LRIG1: variants seen among roughly 807,000 people sequenced by gnomAD.
LRIG1 encodes the protein leucine-rich repeats and immunoglobulin-like domains protein 1.
LRIG1 carries 48 observed loss-of-function variants against 99.2 expected under a neutral mutation model. The observed-to-expected ratio is 0.48, with a 90% CI of 0.38 to 0.62. LRIG1 has a LOEUF of 0.62. Ranked by LOEUF, LRIG1 falls within the 20% of genes least tolerant of loss-of-function variation. LRIG1 has a pLI of 0.00. For synonymous variants in LRIG1, 772 were observed against 596.1 expected (o/e 1.29, Z -4.30); for missense variants, 1,646 against 1,434.4 (o/e 1.15, Z -2.38).
intron 3 of LRIG1, among the ~76,000 whole-genome samples, chr3:66,421,554 C>T (rs1702811689): frequency 6.6e-6 from 1 of 152,200 alleles, no homozygotes; most frequent in Admixed American, 6.5e-5. Flanking sequence ...AAGCTCCACC[C>T]CTATGGCTTT....
intron 3 of LRIG1, among the ~76,000 whole-genome samples, chr3:66,440,974 T>TGGTTTTCC (rs1217863432): frequency 2.0e-5 from 3 of 152,152 alleles, no homozygotes; most frequent in African/African-American, 7.2e-5. Context: ...TGAATCAGCG[T>TGGTTTTCC]AAGGTGAAGA....
rs189303652 is a variant in LRIG1, at chr3:66,380,101, G to A, written c.*162C>T. 244 of 584,368 alleles carry A rather than the reference G, an allele frequency of 4.2e-4. 3 individuals are homozygous for A. In the South Asian group the frequency reaches 5.0e-3, roughly 12 times the overall value. The allele number at this position is 584,368 out of a possible 1,614,324, so 36.2% of individuals were successfully genotyped here. On this transcript the variant is annotated 3_prime_UTR_variant, in exon 19 of 19. Transcript: ENST00000273261. ...CTTTTGTACACAAATCCCCTCTTGC[G>A]TTTACTGTGCTTCAGATCCAAGTCC...
At chr3:66,400,211 GCCT>G (rs1268850723) in intron 9 of LRIG1, among the ~76,000 whole-genome samples, 1 of 152,222 alleles carries the variant, frequency 6.6e-6, no homozygotes, top group East Asian at 1.9e-4. Context: ...AGAAATGAGT[GCCT>G]CCTCCACCAC....
chr3:66,457,450 A>G (rs1208499855), intron 2 of LRIG1, among the ~76,000 whole-genome samples: 3 of 152,166 alleles, frequency 2.0e-5, no homozygotes, highest in African/African-American at 7.2e-5. Context: ...GATAGGAGGC[A>G]CAATGGTAAG....
chr3:66,467,442 C>G (rs1700499862), intron 1 of LRIG1, among the ~76,000 whole-genome samples: 1 of 149,022 alleles, frequency 6.7e-6, no homozygotes, highest in African/African-American at 2.5e-5. Flanking sequence ...TCACTACAAG[C>G]TCCGTCTCCT....
At chr3:66,426,796 T>C (rs1292315889) in intron 3 of LRIG1, among the ~76,000 whole-genome samples, 2 of 152,172 alleles carry the variant, frequency 1.3e-5, no homozygotes, top group Non-Finnish European at 2.9e-5. Flanking sequence ...CGCCAATTAG[T>C]CTGAAACATA....
chr3:66,428,641 C>T (rs1395531796), intron 3 of LRIG1, among the ~76,000 whole-genome samples: 2 of 152,202 alleles, frequency 1.3e-5, no homozygotes, highest in Non-Finnish European at 2.9e-5. Flanking sequence ...AAGAGCTTTC[C>T]TAATCCAACT....
chr3:66,402,050 G>C (rs1442790788), intron 9 of LRIG1, among the ~76,000 whole-genome samples: 1 of 152,226 alleles, frequency 6.6e-6, no homozygotes, highest in East Asian at 1.9e-4. Flanking sequence ...GATGGAGGCT[G>C]CGCTCACATC....
intron 1 of LRIG1, among the ~76,000 whole-genome samples, chr3:66,467,378 T>G (rs1424475506): frequency 2.6e-5 from 3 of 114,066 alleles, no homozygotes; most frequent in African/African-American, 9.6e-5. Flanking sequence ...TTTTTTTTTT[T>G]GAGATGGAGT....
chr3:66,383,123 C>G lies in LRIG1; in HGVS notation c.2350G>C (p.Ala784Pro). ...AHSQLSVLPA[A>P]GCRKDGTTVG... Reference sequence around the variant, plus strand: ...GTGGTCCCATCCTTCCTGCAGCCTGCTGCGGGCAGGACGCTCAGCTGGCTG... The same window carrying G: ...GTGGTCCCATCCTTCCTGCAGCCTGGTGCGGGCAGGACGCTCAGCTGGCTG... The change falls in exon 15 of 19, where the codon GCA becomes CCA. Residue 784 changes from alanine to proline, a missense_variant. Physicochemically the swap from Ala to Pro is conservative, Grantham distance 27. Coordinates refer to ENST00000273261, the MANE Select transcript of LRIG1 (RefSeq NM_015541.3). The G allele has an allele frequency of 6.2e-7, 1 of 1,614,238 alleles. No homozygotes were observed. The highest frequency in any genetic ancestry group is 8.5e-7 in the Non-Finnish European group (1 of 1,180,040).
At chr3:66,461,025 G>T (rs555479307) in intron 2 of LRIG1, among the ~76,000 whole-genome samples, 1 of 152,166 alleles carries the variant, frequency 6.6e-6, no homozygotes, top group Admixed American at 6.5e-5. Context: ...AGAATAACAA[G>T]TAAGCCTGGG....
intron 17 of LRIG1, 85 bp downstream of exon 17, chr3:66,381,394 G>A: frequency 7.4e-7 from 1 of 1,358,456 alleles, no homozygotes; most frequent in South Asian, 1.3e-5. Flanking sequence ...GACTAGGAAT[G>A]TGTCTCCCCC....
chr3:66,418,894 G>A (rs186613026), intron 3 of LRIG1, among the ~76,000 whole-genome samples: 3 of 152,128 alleles, frequency 2.0e-5, no homozygotes, highest in African/African-American at 7.2e-5. Context: ...TCCCCGGCAT[G>A]AAAGGACCCT....
At chr3:66,420,950 G>A (rs1360771502) in intron 3 of LRIG1, among the ~76,000 whole-genome samples, 1 of 152,166 alleles carries the variant, frequency 6.6e-6, no homozygotes, top group African/African-American at 2.4e-5. Flanking sequence ...AGGCAAAGAA[G>A]AGCAAGTATG....
rs144935048 is a variant in LRIG1, at chr3:66,485,351, C to T, written c.218+14839G>A. ...TCCAAGGCATGCCAAAGATTTCAGG[C>T]GGTGCATAAACTCCATCAGCAGGCT... On this transcript the variant is annotated intron_variant, in intron 1 of 18. Transcript: ENST00000273261. Among the ~76,000 whole-genome samples the T allele has an allele frequency of 1.3e-3, 202 of 152,164 alleles. 3 individuals are homozygous for T. In the East Asian group the frequency reaches 0.031, roughly 23 times the overall value.
Position 66,407,263 on chromosome 3 carries a change from A to G in LRIG1, c.1079+85T>C, listed in dbSNP as rs1668144866. 6 of 1,459,520 alleles carry G rather than the reference A, an allele frequency of 4.1e-6. No individual in the cohort carries two copies. In the African/African-American group the frequency reaches 5.6e-5, roughly 14 times the overall value. 90.4% of individuals were successfully genotyped at this position (1,459,520 alleles called of 1,614,324 possible). On this transcript the variant is annotated intron_variant, in intron 8 of 18. Coordinates refer to ENST00000273261, the MANE Select transcript of LRIG1 (RefSeq NM_015541.3). The stretch of plus-strand genomic sequence containing the variant: ...CAATTCTGACTCGAAGCCAACGCAA[A>G]TGGAGTTCAACAAAGCAGATGGTTT...
intron 3 of LRIG1, 103 bp from the exon 4 acceptor site, chr3:66,417,369 C>G: frequency 1.7e-6 from 2 of 1,151,860 alleles, no homozygotes; most frequent in Non-Finnish European, 1.2e-6. Flanking sequence ...AACTACAATG[C>G]AGTGACGCTC....
At chr3:66,492,117 T>A (rs1269164984) in intron 1 of LRIG1, among the ~76,000 whole-genome samples, 1 of 152,226 alleles carries the variant, frequency 6.6e-6, no homozygotes, top group Non-Finnish European at 1.5e-5. Flanking sequence ...CCCAAAGTGC[T>A]AATGCTTGAG....
intron 3 of LRIG1, among the ~76,000 whole-genome samples, chr3:66,422,429 T>C (rs923419863): frequency 6.6e-6 from 1 of 152,212 alleles, no homozygotes; most frequent in African/African-American, 2.4e-5. Context: ...TCTCTCAAGT[T>C]CAAAGTTCCA....
Sources: gnomAD v4.1 joint callset for allele counts (sites outside exome capture counted in the v4.1 genomes callset) on GRCh38, gnomAD v4.1.1 for gene constraint, MANE v1.5 for transcripts, NCBI Gene and HGNC (gene_info 2026-07-23, HGNC 2026-07-21) for gene names.